The following RPS6KA2 variants were observed in gnomAD, a reference collection of about 807,000 sequenced individuals.
The protein encoded by RPS6KA2 is ribosomal protein S6 kinase alpha-2.
Under a neutral mutation model 91.8 loss-of-function variants are expected in RPS6KA2, and 42 were observed. The observed-to-expected ratio is 0.46, with a 90% CI of 0.36 to 0.59. The LOEUF is 0.59. RPS6KA2 is among the 20% of genes least tolerant of loss of function. RPS6KA2 has a pLI of 0.00. For missense variants in RPS6KA2, 798 were observed against 978.5 expected (o/e 0.82, Z 2.46); for synonymous variants, 414 against 393.6 (o/e 1.05, Z -0.61).
At position 166,531,226 on chromosome 6, in the gene RPS6KA2, T is replaced by G. The variant is rs1307323527; in HGVS notation, c.298+6A>C. 3 of 1,610,464 alleles carry G rather than the reference T, an allele frequency of 1.9e-6. No individual in the cohort carries two copies. Among genetic ancestry groups the G allele is most frequent in the Non-Finnish European group, 2.5e-6 (3 of 1,176,730 alleles). On this transcript the variant is annotated splice_donor_region_variant and intron_variant, in intron 3 of 20. Transcript: ENST00000265678. ...CTGAAGCAGCCGGCCCTTCCGAAGC[T>G]CTTACCTTTTAGGGTGGCTTTCTTA... is the stretch of plus-strand genomic sequence containing the variant.
At chr6:166,449,793 A>AACCACCAC (rs1562500612) in intron 13 of RPS6KA2, among the ~76,000 whole-genome samples, 2 of 113,888 alleles carry the variant, frequency 1.8e-5, no homozygotes, top group Non-Finnish European at 4.0e-5. Context: ...CCACCATGGG[A>AACCACCAC]GCCACCACGG....
intron 10 of RPS6KA2, among the ~76,000 whole-genome samples, chr6:166,479,851 A>C (rs4709117): frequency 0.3 from 45,501 of 151,806 alleles, 7,057 homozygotes; most frequent in East Asian, 0.55. Context: ...CAAACAGGAT[A>C]ATTCTGAACG....
At chr6:166,588,362 G>A (rs1277274286) in intron 1 of RPS6KA2, among the ~76,000 whole-genome samples, 2 of 131,250 alleles carry the variant, frequency 1.5e-5, no homozygotes, top group Admixed American at 8.1e-5. Context: ...CTGCAGGGGT[G>A]GCTTTCTGCA....
intron 13 of RPS6KA2, among the ~76,000 whole-genome samples, chr6:166,450,330 C>A (rs117266800): frequency 0.012 from 1,773 of 150,724 alleles, 19 homozygotes; most frequent in Non-Finnish European, 0.016. Context: ...GGGGGACCAC[C>A]ACAGGGACCA....
At chr6:166,483,832 A>G (rs1245839156) in intron 10 of RPS6KA2, among the ~76,000 whole-genome samples, 4 of 152,264 alleles carry the variant, frequency 2.6e-5, no homozygotes, top group Non-Finnish European at 4.4e-5. Flanking sequence ...AGCCTCACTC[A>G]AACAGAAAAT....
At chr6:166,719,563 A>T (rs1331549280) in intron 2 of RPS6KA2, among the ~76,000 whole-genome samples, 1 of 152,246 alleles carries the variant, frequency 6.6e-6, no homozygotes, top group Non-Finnish European at 1.5e-5. Context: ...TATCTATGAA[A>T]ATACATCTAT....
chr6:166,461,664 T>C (rs1409412248), intron 11 of RPS6KA2, among the ~76,000 whole-genome samples: 1 of 152,052 alleles, frequency 6.6e-6, no homozygotes, highest in African/African-American at 2.4e-5. Flanking sequence ...CCTCCTACTT[T>C]TATTATGAGG....
intron 3 of RPS6KA2, among the ~76,000 whole-genome samples, chr6:166,520,568 A>G (rs1782822396): frequency 6.6e-6 from 1 of 152,264 alleles, no homozygotes; most frequent in African/African-American, 2.4e-5. Context: ...TGAATAATAC[A>G]GAATTTGGTA....
intron 2 of RPS6KA2, among the ~76,000 whole-genome samples, chr6:166,645,484 C>T (rs1445952447): frequency 1.3e-5 from 2 of 152,160 alleles, no homozygotes; most frequent in Non-Finnish European, 2.9e-5. Context: ...ACAAACTCTC[C>T]ACCTCCCCTC....
chr6:166,478,195 G>A (rs1466723755), intron 10 of RPS6KA2, among the ~76,000 whole-genome samples: 3 of 152,196 alleles, frequency 2.0e-5, no homozygotes, highest in African/African-American at 7.2e-5. Flanking sequence ...AGGTGGGGTC[G>A]CGGTGCCTGC....
Position 166,644,784 on chromosome 6 carries a change from G to C in RPS6KA2, c.124-106000C>G, listed in dbSNP as rs891073294. Among the ~76,000 whole-genome samples the C allele has an allele frequency of 2.0e-5, 3 of 152,158 alleles. No homozygotes were observed. In the South Asian group the frequency reaches 6.2e-4, roughly 32 times the overall value. On this transcript the variant is annotated intron_variant, in intron 2 of 21. Coordinates refer to the RPS6KA2 transcript ENST00000503859. ...TGAACATGACCTCACTTGGAAATAG[G>C]GTCTTTGCAAATGAAATCAAGTTAA...
intron 2 of RPS6KA2, among the ~76,000 whole-genome samples, chr6:166,829,589 CAAAAAAAAAAAAAA>C (rs57711560): frequency 1.0e-5 from 1 of 96,938 alleles, no homozygotes; most frequent in Admixed American, 1.1e-4. Flanking sequence ...GACTCTGTCT[CAAAAAAAAAAAAAA>C]AAAAAAAAAA....
chr6:166,700,305 C>T (rs973015208), intron 2 of RPS6KA2, among the ~76,000 whole-genome samples: 1 of 152,146 alleles, frequency 6.6e-6, no homozygotes, highest in African/African-American at 2.4e-5. Flanking sequence ...TATCTTTGAA[C>T]ATTTGATTTT....
rs1264184390 is a variant in RPS6KA2, at chr6:166,766,487, G to T, written c.123+91713C>A. ...GTAATTTTTGGATTTGTGTGTATGT[G>T]TGTTTTCCTTTCAAGCTTTTTCTAA... On this transcript the variant is annotated intron_variant, in intron 2 of 21. Coordinates refer to the RPS6KA2 transcript ENST00000503859. 2.6e-5 allele frequency among the ~76,000 whole-genome samples: 4 copies of T among 152,302 alleles called. 1 individual carries two copies. In the South Asian group the frequency reaches 6.2e-4, roughly 24 times the overall value.
intron 1 of RPS6KA2, among the ~76,000 whole-genome samples, chr6:166,578,805 T>G (rs1339743400): frequency 6.6e-6 from 1 of 152,196 alleles, no homozygotes; most frequent in Non-Finnish European, 1.5e-5. Flanking sequence ...ACCATGCGCC[T>G]CGTGCATTTT....
chr6:166,517,666 G>T (rs557220574), intron 3 of RPS6KA2, among the ~76,000 whole-genome samples: 1 of 150,764 alleles, frequency 6.6e-6, no homozygotes, highest in Non-Finnish European at 1.5e-5. Flanking sequence ...TAGTAGAGAC[G>T]GGGTTTCACC....
chr6:166,541,840 A>T (rs944370279), intron 1 of RPS6KA2, among the ~76,000 whole-genome samples: 1 of 152,254 alleles, frequency 6.6e-6, no homozygotes, highest in African/African-American at 2.4e-5. Flanking sequence ...AAGTACACAC[A>T]TAATTTCATC....
chr6:166,762,067 G>T (rs1165355827), intron 2 of RPS6KA2, among the ~76,000 whole-genome samples: 1 of 152,190 alleles, frequency 6.6e-6, no homozygotes, highest in Non-Finnish European at 1.5e-5. Context: ...ATCACGTGGA[G>T]GCCCTGGTGT....
chr6:166,586,224 C>A, intron 1 of RPS6KA2: 1 of 1,592,258 alleles, frequency 6.3e-7, no homozygotes, highest in Non-Finnish European at 8.5e-7. Context: ...ACCCCAGGAT[C>A]GTCCATGCCA....
Sources: allele counts gnomAD v4.1 joint callset (sites outside exome capture counted in the v4.1 genomes callset), GRCh38; gene constraint gnomAD v4.1.1; transcripts MANE v1.5; gene names NCBI Gene and HGNC (gene_info 2026-07-23, HGNC 2026-07-21).